The following ZNF326 variants were observed in gnomAD, a reference collection of about 807,000 sequenced individuals.
The protein encoded by ZNF326 is zinc finger protein 326, also known as DBIRD complex subunit ZNF326.
A neutral mutation model predicts 63.1 loss-of-function variants in ZNF326; 30 were observed. That is an observed-to-expected ratio of 0.48 (90% CI 0.36 to 0.64). The LOEUF is 0.64. Ranked by LOEUF, ZNF326 falls within the 30% of genes least tolerant of loss-of-function variation. The pLI, the probability that ZNF326 is intolerant of heterozygous loss-of-function variation, is 0.00. For synonymous variants in ZNF326, 194 were observed against 228.2 expected (o/e 0.85, Z 1.35); for missense variants, 609 against 720.3 (o/e 0.85, Z 1.77).
chr1:90,005,870 A>T, intron 4 of ZNF326: 1 of 985,488 alleles, frequency 1.0e-6, no homozygotes, highest in Non-Finnish European at 1.2e-6. Context: ...CATGAATACT[A>T]TACCTTTGAC....
intron 7 of ZNF326, among the ~76,000 whole-genome samples, chr1:90,015,234 C>T (rs2154325): frequency 0.13 from 19,416 of 152,124 alleles, 2,899 homozygotes; most frequent in African/African-American, 0.37. Context: ...TTGAATGCTT[C>T]CCACATAATA....
chr1:90,022,893 A>G (rs2101091279), intron 11 of ZNF326, among the ~76,000 whole-genome samples: 1 of 152,326 alleles, frequency 6.6e-6, no homozygotes. Context: ...TGCATAAATC[A>G]TTCCTTTTCC....
At position 90,027,573 on chromosome 1, in the gene ZNF326, G is replaced by A. The variant is rs1182057490; in HGVS notation, c.1621G>A (p.Gly541Arg). 1.2e-6 allele frequency: 2 copies of A among 1,609,862 alleles called. No homozygotes were observed. The highest frequency in any genetic ancestry group is 3.4e-5 in the Admixed American group (2 of 59,232). Residue 541 changes from glycine to arginine, a missense_variant, in exon 12 of 12, where the codon GGA becomes AGA. Gly to Arg is a moderately radical substitution (Grantham distance 125, BLOSUM62 -2). Around this residue, in one of 3 missense-constraint regions of ZNF326, gnomAD observed 399 missense variants for 444.3 expected, o/e 0.90. Coordinates refer to ENST00000340281, the MANE Select transcript of ZNF326 (RefSeq NM_182976.4). ...GEGNIQGVGE[G>R]GEVGVVGEVE... ...GGGAAATATACAGGGAGTAGGGGAAGGAGGGGAAGTAGGGGTAGTGGGAGA... is the reference window on the plus strand; with the variant it reads ...GGGAAATATACAGGGAGTAGGGGAAAGAGGGGAAGTAGGGGTAGTGGGAGA...
At chr1:90,026,969 G>A (rs1650039789) in intron 11 of ZNF326, among the ~76,000 whole-genome samples, 1 of 152,028 alleles carries the variant, frequency 6.6e-6, no homozygotes, top group African/African-American at 2.4e-5. Context: ...AAGAGATTCT[G>A]TAACATTAAT....
chr1:90,016,968 A>G (rs1367284010), intron 7 of ZNF326, among the ~76,000 whole-genome samples: 1 of 152,218 alleles, frequency 6.6e-6, no homozygotes, highest in African/African-American at 2.4e-5. Context: ...TGAGGATGGA[A>G]CAACATGTAA....
chr1:90,023,161 T>C (rs1211065767), intron 11 of ZNF326, among the ~76,000 whole-genome samples: 2 of 152,176 alleles, frequency 1.3e-5, no homozygotes, highest in Admixed American at 6.5e-5. Flanking sequence ...ATTTTAGAGG[T>C]TAGTCTTTTG....
intron 2 of ZNF326, among the ~76,000 whole-genome samples, chr1:90,003,987 T>C (rs1009828890): frequency 1.1e-4 from 17 of 152,204 alleles, no homozygotes; most frequent in African/African-American, 4.1e-4. Flanking sequence ...TTTATTTGTG[T>C]ATGACATTTG....
In ZNF326 at chr1:90,033,334, G is replaced by T. The variant is rs554643375; in HGVS notation, c.*5633G>T. Reference sequence around the variant, plus strand: ...AGAAACAGCAAATATTTAAGGAAAAGAGCAACATGAAAAATACACAGCAAA... The same window carrying T: ...AGAAACAGCAAATATTTAAGGAAAATAGCAACATGAAAAATACACAGCAAA... On this transcript the variant is annotated 3_prime_UTR_variant, in exon 12 of 12. Coordinates refer to ENST00000340281, the MANE Select transcript of ZNF326 (RefSeq NM_182976.4). 1 of 152,166 alleles carries T rather than the reference G, an allele frequency of 6.6e-6. No homozygotes were observed. Among genetic ancestry groups the T allele is most frequent in the South Asian group, 2.1e-4 (1 of 4,822 alleles). The allele number at this position is 152,166 out of a possible 1,614,324, so 9.4% of individuals were successfully genotyped here.
chr1:90,027,546 G>A lies in ZNF326; in HGVS notation c.1594G>A (p.Glu532Lys), dbSNP rs147693443. 6.2e-6 allele frequency: 10 copies of A among 1,608,504 alleles called. No individual in the cohort carries two copies. Among genetic ancestry groups the A allele is most frequent in the African/African-American group, 5.4e-5 (4 of 74,678 alleles). ...EEVREGGIEG[E>K]GNIQGVGEGG... is the part of the protein sequence containing the mutation. ...AGTGAGAGAAGGAGGAATAGAGGGC[G>A]AGGGAAATATACAGGGAGTAGGGGA... The change falls in exon 12 of 12, where the codon GAG (glutamate) becomes AAG (lysine). Residue 532 changes from glutamate (E) to lysine (K), a missense_variant. By Grantham distance (56) the Glu-to-Lys change is moderately conservative. This residue lies in a region of ZNF326 where 399 missense variants were observed against 444.3 expected (regional missense o/e 0.90). Coordinates refer to ENST00000340281, the MANE Select transcript of ZNF326 (RefSeq NM_182976.4).
intron 5 of ZNF326, among the ~76,000 whole-genome samples, chr1:90,009,055 CACTT>C (rs1160451751): frequency 2.0e-5 from 3 of 152,120 alleles, no homozygotes; most frequent in Non-Finnish European, 4.4e-5. Context: ...ATTTGGAAAA[CACTT>C]AATATTTTCC....
Position 90,031,525 on chromosome 1 carries a change from A to G in ZNF326, c.*3824A>G, listed in dbSNP as rs1004779214. ...AAATTACCATTCTAATCATTTTTTA[A>G]TGTACCATTTAGTGGCATTAATTAC... On this transcript the variant is annotated 3_prime_UTR_variant, in exon 12 of 12. Transcript: ENST00000340281. 6.6e-6 allele frequency: 1 copy of G among 151,158 alleles called. No homozygotes were observed. Among genetic ancestry groups the G allele is most frequent in the African/African-American group, 2.4e-5 (1 of 41,130 alleles). 9.4% of individuals were successfully genotyped at this position (151,158 alleles called of 1,614,324 possible).
rs2101067652 is a variant in ZNF326 at position 90,010,083 on chromosome 1, T to C, written c.616-5T>C. ...CTAATATTTATTGATTTCACAAATT[T>C]ACAGCATATGGGTGATTTTGGAAGC... On this transcript the variant is annotated splice_polypyrimidine_tract_variant and splice_region_variant and intron_variant, in intron 5 of 11. Transcript: ENST00000340281. The C allele has an allele frequency of 6.2e-7, 1 of 1,611,482 alleles. No homozygotes were observed. Among genetic ancestry groups the C allele is most frequent in the South Asian group, 1.1e-5 (1 of 90,516 alleles).
At chr1:90,005,270 ATAAT>A (rs1160262012) in intron 4 of ZNF326, 26 bp downstream of exon 4, 2 of 1,600,734 alleles carry the variant, frequency 1.2e-6, no homozygotes, top group African/African-American at 2.7e-5. Flanking sequence ...ATTTGGCCAA[ATAAT>A]TAGACAACTA....
rs754696628 is a variant in ZNF326, at chr1:90,020,870, A to G, written c.1253A>G (p.His418Arg). The G allele has an allele frequency of 4.3e-6, 7 of 1,613,286 alleles. No homozygotes were observed. The South Asian group carries it at 5.5e-5, about 13-fold the overall frequency. The change falls in exon 10 of 12, where the codon CAT (histidine) becomes CGT (arginine). Residue 418 changes from histidine (H) to arginine (R), a missense_variant. By Grantham distance (29) the His-to-Arg change is conservative (BLOSUM62 0). Transcript: ENST00000340281. ...TGCAGTGTTTATATCCCTGCTTTAC[A>G]TAGTTCAGTTCAGCAGCACTTAAAA... ...SACSVYIPALHSSVQQHLKSP... is the reference protein window; with the variant it reads ...SACSVYIPALRSSVQQHLKSP...
chr1:90,022,247 T>C lies in ZNF326; in HGVS notation c.1306-3T>C. 6.3e-7 allele frequency: 1 copy of C among 1,598,024 alleles called. No homozygotes were observed. The highest frequency in any genetic ancestry group is 8.5e-7 in the Non-Finnish European group (1 of 1,172,734). Reference sequence around the variant, plus strand: ...AACCCTCAGTGTGTTCTGTTTTTTATAGGCTTATAAGGAACAAATAAAAAG... The same window carrying C: ...AACCCTCAGTGTGTTCTGTTTTTTACAGGCTTATAAGGAACAAATAAAAAG... On this transcript the variant is annotated splice_region_variant and splice_polypyrimidine_tract_variant and intron_variant, in intron 10 of 11. Coordinates refer to ENST00000340281, the MANE Select transcript of ZNF326 (RefSeq NM_182976.4).
At chr1:90,015,250 C>T (rs1649447936) in intron 7 of ZNF326, among the ~76,000 whole-genome samples, 1 of 152,102 alleles carries the variant, frequency 6.6e-6, no homozygotes, top group Admixed American at 6.5e-5. Flanking sequence ...TAATAAAGCA[C>T]ATGGAAAGGT....
chr1:90,024,041 A>G (rs1412138391), intron 11 of ZNF326, among the ~76,000 whole-genome samples: 1 of 152,190 alleles, frequency 6.6e-6, no homozygotes, highest in Non-Finnish European at 1.5e-5. Flanking sequence ...CACTGGGGTC[A>G]CATTACTCAA....
chr1:90,027,318 T>A (rs1421641068), intron 11 of ZNF326, 36 bp from the exon 12 acceptor site: 2 of 1,593,016 alleles, frequency 1.3e-6, no homozygotes, highest in African/African-American at 2.7e-5. Context: ...TAATAATGAA[T>A]GTGCTGATTT....
chr1:90,000,062 G>C (rs1380603594), intron 2 of ZNF326, among the ~76,000 whole-genome samples: 3 of 152,168 alleles, frequency 2.0e-5, no homozygotes, highest in Non-Finnish European at 4.4e-5. Flanking sequence ...AAATGTGTGT[G>C]TGTGCTTGTA....
Sources: gnomAD v4.1 joint callset for allele counts (sites outside exome capture counted in the v4.1 genomes callset) on GRCh38, gnomAD v4.1.1 for gene constraint, gnomAD v4.1.1 regional missense constraint, MANE v1.5 for transcripts, NCBI Gene and HGNC (gene_info 2026-07-23, HGNC 2026-07-21) for gene names.